Variants in KIF12 observed in about 807,000 individuals in gnomAD.
The protein encoded by KIF12 is kinesin family member 12, also known as kinesin-like protein KIF12.
KIF12 carries 80 observed loss-of-function variants against 87.9 expected under a neutral mutation model. The ratio of observed to expected loss-of-function variants is 0.91; its 90% CI spans 0.76 to 1.10. KIF12 has a LOEUF of 1.10. Among genes scored for constraint, KIF12 ranks in the 50% least tolerant of loss-of-function variants. The pLI is 0.00. For synonymous variants in KIF12, 353 were observed against 348.5 expected, an observed-to-expected ratio of 1.01 and a Z score of -0.14; for missense variants, 819 against 865.3, an observed-to-expected ratio of 0.95 and a Z score of 0.67.
At position 114,097,283 on chromosome 9, in the gene KIF12, CCCG is replaced by C. The variant is rs746536853; in HGVS notation, c.646+15_646+17del. On this transcript the variant is annotated intron_variant, in intron 7 of 18. Coordinates refer to ENST00000640217, the MANE Select transcript of KIF12 (RefSeq NM_001388308.1). ...ATGGGCACCCCTACCCGCAAAACTCCCCGCTGTCAGCACACACCCGTTTGCAAA... is the reference window on the plus strand; with the variant it reads ...ATGGGCACCCCTACCCGCAAAACTCCCTGTCAGCACACACCCGTTTGCAAA... 1 of 1,604,960 alleles carries C rather than the reference CCCG, an allele frequency of 6.2e-7. No homozygotes were observed. The highest frequency in any genetic ancestry group is 1.3e-5 in the African/African-American group (1 of 74,162).
Position 114,093,347 on chromosome 9 carries a change from C to T in KIF12, c.1492-14G>A, listed in dbSNP as rs1338465159. 3.1e-5 allele frequency: 48 copies of T among 1,554,996 alleles called. No individual in the cohort carries two copies. The highest frequency in any genetic ancestry group is 4.1e-5 in the African/African-American group (3 of 73,406). ...GGGTGGCAGTGCCTGCAAAAAGGTG[C>T]GTCAGAGGCTCCATGACATCCCTAC... On this transcript the variant is annotated splice_polypyrimidine_tract_variant and intron_variant, in intron 15 of 18. Transcript: ENST00000640217.
Position 114,099,287 on chromosome 9 carries a change from G to A in KIF12, c.-11C>T. On this transcript the variant is annotated 5_prime_UTR_variant, in exon 1 of 19. Transcript: ENST00000640217. ...CCCGCGTTCTTCCATGTCCTGCTCT[G>A]CACACGGAGTTAGCTCCGCCCGCGT... 6.4e-7 allele frequency: 1 copy of A among 1,550,944 alleles called. No homozygotes were observed. Among genetic ancestry groups the A allele is most frequent in the Non-Finnish European group, 8.7e-7 (1 of 1,147,054 alleles).
rs752984482 is a variant in KIF12, at chr9:114,093,933, G to C, written c.1353C>G (p.Ala451=). 1 of 1,614,120 alleles carries C rather than the reference G, an allele frequency of 6.2e-7. No individual in the cohort carries two copies. The highest frequency in any genetic ancestry group is 8.5e-7 in the Non-Finnish European group (1 of 1,180,026). The change falls in exon 14 of 19, where the codon GCC becomes GCG. Residue 451 remains alanine, a synonymous_variant. Coordinates refer to ENST00000640217, the MANE Select transcript of KIF12 (RefSeq NM_001388308.1). ...KSQLQNSRDL[A]QNEQRILAQQ... The stretch of plus-strand genomic sequence containing the variant: ...GGGCCAGGATGCGCTGCTCATTCTG[G>C]GCCAGGTCTCGGCTATTCTGCAGCT...
chr9:114,093,884 A>C lies in KIF12; in HGVS notation c.1400+2T>G, dbSNP rs1847093020. The stretch of plus-strand genomic sequence containing the variant: ...TGGCTCCAAGCTGGTGGCTCTGCTT[A>C]CCTCTCTAGTGCATGGACCTGCTGG... On this transcript the variant is annotated splice_donor_variant, in intron 14 of 18. Transcript: ENST00000640217. LOFTEE classifies it high-confidence loss of function. 5 of 1,613,146 alleles carry C rather than the reference A, an allele frequency of 3.1e-6. No individual in the cohort carries two copies. The highest frequency in any genetic ancestry group is 4.2e-6 in the Non-Finnish European group (5 of 1,179,446).
At chr9:114,096,890 T>TTAGGC (rs1847254181) in intron 7 of KIF12, among the ~76,000 whole-genome samples, 1 of 152,154 alleles carries the variant, frequency 6.6e-6, no homozygotes, top group African/African-American at 2.4e-5. Flanking sequence ...GAAAGGGCCT[T>TTAGGC]TAGGCTAGGC....
chr9:114,096,760 C>G (rs915281263), intron 7 of KIF12, among the ~76,000 whole-genome samples: 6 of 152,142 alleles, frequency 3.9e-5, no homozygotes, highest in Non-Finnish European at 7.3e-5. Flanking sequence ...GAAACTGAGG[C>G]AGGAGATCAG....
In KIF12 at chr9:114,098,157, C is replaced by G. The variant is rs755352292; in HGVS notation, c.333G>C (p.Thr111=). 5 of 1,548,534 alleles carry G rather than the reference C, an allele frequency of 3.2e-6. No homozygotes were observed. The South Asian group carries it at 3.6e-5, about 11-fold the overall frequency. The stretch of plus-strand genomic sequence containing the variant: ...TCAGGGTGTAGGTCTTCCCAGAGCC[C>G]GTCTGGCCAAAGGTGAAAACAGTGC... The part of the protein sequence containing the change: ...FSCTVFTFGQ[T]GSGKTYTLTG... Residue 111 remains threonine, a synonymous_variant, in exon 5 of 19, where the codon ACG becomes ACC. Transcript: ENST00000640217.
rs755721277 is a variant in KIF12, at chr9:114,097,612, C to T, written c.505G>A (p.Glu169Lys). 5.6e-6 allele frequency: 9 copies of T among 1,614,126 alleles called. No individual in the cohort carries two copies. In the South Asian group the frequency reaches 9.9e-5, roughly 18 times the overall value. Residue 169 changes from glutamate (E) to lysine (K), a missense_variant, in exon 6 of 19, where the codon GAG (glutamate) becomes AAG (lysine). Physicochemically the swap from Glu to Lys is moderately conservative, Grantham distance 56. Coordinates refer to ENST00000640217, the MANE Select transcript of KIF12 (RefSeq NM_001388308.1). The part of the protein sequence containing the change: ...LRASYLEIYN[E>K]QVRDLLSLGS... ...TATTCCTCTCATTCCCTTACCTGCTCATTGTAGATCTCCAGATAAGAGGCG... is the reference window on the plus strand; with the variant it reads ...TATTCCTCTCATTCCCTTACCTGCTTATTGTAGATCTCCAGATAAGAGGCG...
intron 18 of KIF12, 100 bp from the exon 19 acceptor site, chr9:114,092,100 G>T: frequency 6.8e-7 from 1 of 1,468,152 alleles, no homozygotes; most frequent in East Asian, 2.5e-5. Flanking sequence ...CAGGGGGTAG[G>T]TACCCTCCAC....
At chr9:114,092,779 G>C in intron 16 of KIF12, 137 bp from the exon 17 acceptor site, 1 of 1,482,210 alleles carries the variant, frequency 6.7e-7, no homozygotes. Context: ...ATAAAGGGGT[G>C]GGGTCTTGGT....
chr9:114,097,062 C>T (rs1031469770), intron 7 of KIF12, among the ~76,000 whole-genome samples: 2 of 152,124 alleles, frequency 1.3e-5, no homozygotes, highest in African/African-American at 4.8e-5. Flanking sequence ...AGGCCGAGGC[C>T]CTGGGCTAGA....
At chr9:114,094,494 A>G (rs776326702) in intron 11 of KIF12, 39 bp from the exon 12 acceptor site, 9 of 1,318,872 alleles carry the variant, frequency 6.8e-6, no homozygotes, top group Admixed American at 5.5e-5. Flanking sequence ...TTATGGTTGT[A>G]TAAGTCGTGC....
In KIF12 at chr9:114,098,296, A is replaced by T. The variant is rs1040976240; in HGVS notation, c.299+6T>A. 3 of 1,475,624 alleles carry T rather than the reference A, an allele frequency of 2.0e-6. No homozygotes were observed. Among genetic ancestry groups the T allele is most frequent in the Non-Finnish European group, 1.8e-6 (2 of 1,118,334 alleles). 91.4% of individuals were successfully genotyped at this position (1,475,624 alleles called of 1,614,324 possible). A position where few individuals can be genotyped will look rare whatever the true frequency, so the allele number is the denominator to read the frequency against. On this transcript the variant is annotated splice_donor_region_variant and intron_variant, in intron 4 of 18. Coordinates refer to ENST00000640217, the MANE Select transcript of KIF12 (RefSeq NM_001388308.1). ...CGGCGCGGAGCGGAGGCGAAGCTTC[A>T]CTCACCCGCGCAGCGCCAGCTCCCC...
chr9:114,094,979 G>T (rs757486661), intron 11 of KIF12, 44 bp downstream of exon 11: 3 of 1,477,004 alleles, frequency 2.0e-6, no homozygotes, highest in Non-Finnish European at 2.7e-6. Flanking sequence ...TGATCCCCCA[G>T]CATCTCCACG....
chr9:114,094,305 A>C (rs1847117458), intron 12 of KIF12, 34 bp from the exon 13 acceptor site: 3 of 1,610,882 alleles, frequency 1.9e-6, no homozygotes, highest in Middle Eastern at 3.3e-4. Flanking sequence ...GATCCACAGG[A>C]GCCCCAGACC....
Position 114,096,069 on chromosome 9 carries a change from G to A in KIF12, c.877C>T (p.Arg293Ter), listed in dbSNP as rs1391374865. The A allele has an allele frequency of 5.6e-6, 9 of 1,612,646 alleles. No individual in the cohort carries two copies. Among genetic ancestry groups the A allele is most frequent in the South Asian group, 1.1e-5 (1 of 90,934 alleles). ...ELMLEANSIN[R>*]SLLALGHCIS... ...GTCTCACCCAGGGCCAGCAGGCTTC[G>A]GTTGATGCTGTTAGCCTCAAGCATC... is the stretch of plus-strand genomic sequence containing the variant. The change falls in exon 9 of 19, where the codon CGA (arginine) becomes TGA (stop). Residue 293 changes from arginine to a stop codon, truncating the protein, a stop_gained. Coordinates refer to ENST00000640217, the MANE Select transcript of KIF12 (RefSeq NM_001388308.1). LOFTEE classifies it high-confidence loss of function.
Position 114,098,282 on chromosome 9 carries a change from G to A in KIF12, c.299+20C>T, listed in dbSNP as rs1198609195. On this transcript the variant is annotated intron_variant, in intron 4 of 18. Coordinates refer to ENST00000640217, the MANE Select transcript of KIF12 (RefSeq NM_001388308.1). ...GGCCCCGCCAGGCCCGGCGCGGAGC[G>A]GAGGCGAAGCTTCACTCACCCGCGC... 6 of 1,491,406 alleles carry A rather than the reference G, an allele frequency of 4.0e-6. No individual in the cohort carries two copies. The Admixed American group carries it at 7.5e-5, about 19-fold the overall frequency. 92.4% of individuals were successfully genotyped at this position (1,491,406 alleles called of 1,614,324 possible).
At chr9:114,093,572 G>A in intron 14 of KIF12, 75 bp from the exon 15 acceptor site, 1 of 1,197,114 alleles carries the variant, frequency 8.4e-7, no homozygotes, top group Non-Finnish European at 1.2e-6. Context: ...CCCCTTCCCA[G>A]CTAATACTCC....
At position 114,098,030 on chromosome 9, in the gene KIF12, C is replaced by T. The variant is rs559721397; in HGVS notation, c.375+85G>A. ...GCGGCGTCGTCCCAGCCCCTTCCCT[C>T]TGGGAGTCTGCGCCGCCTGCGGCTC... is the stretch of plus-strand genomic sequence containing the variant. On this transcript the variant is annotated intron_variant, in intron 5 of 18. Coordinates refer to ENST00000640217, the MANE Select transcript of KIF12 (RefSeq NM_001388308.1). The T allele has an allele frequency of 4.1e-4, 554 of 1,337,540 alleles. No individual in the cohort carries two copies. In the African/African-American group the frequency reaches 7.6e-3, roughly 18 times the overall value. The allele number at this position is 1,337,540 out of a possible 1,614,324, so 82.9% of individuals were successfully genotyped here.
Sources: gnomAD v4.1 joint callset for allele counts (sites outside exome capture counted in the v4.1 genomes callset) on GRCh38, gnomAD v4.1.1 for gene constraint, MANE v1.5 for transcripts, NCBI Gene and HGNC (gene_info 2026-07-23, HGNC 2026-07-21) for gene names.